PLEKHA7: variants seen among roughly 807,000 people sequenced by gnomAD.
The protein encoded by PLEKHA7 is pleckstrin homology domain-containing family A member 7.
Under a neutral mutation model 170.0 loss-of-function variants are expected in PLEKHA7, and 104 were observed. The observed-to-expected ratio is 0.61, with a 90% CI of 0.52 to 0.72. PLEKHA7 has a LOEUF of 0.72. Ranked by LOEUF, PLEKHA7 falls within the 30% of genes least tolerant of loss-of-function variation. PLEKHA7 has a pLI of 0.00. For synonymous variants in PLEKHA7, 648 were observed against 660.8 expected, an observed-to-expected ratio of 0.98 and a Z score of 0.30; for missense variants, 1,615 against 1,671.7, an observed-to-expected ratio of 0.97 and a Z score of 0.59.
Position 16,946,413 on chromosome 11 carries a change from G to C in PLEKHA7, c.221+67576C>G, listed in dbSNP as rs542506412. Among the ~76,000 whole-genome samples, 4 of 152,246 alleles carry C rather than the reference G, an allele frequency of 2.6e-5. No individual in the cohort carries two copies. The South Asian group carries it at 8.3e-4, about 32-fold the overall frequency. On this transcript the variant is annotated intron_variant, in intron 3 of 26. Coordinates refer to ENST00000531066, the MANE Select transcript of PLEKHA7 (RefSeq NM_001329630.2). The stretch of plus-strand genomic sequence containing the variant: ...CCTCCTTTCTCACTCCCTATGACCA[G>C]GCAGGATTATACCAACCTTAAAGTG...
chr11:16,786,319 C>T lies in PLEKHA7; in HGVS notation c.3426G>A (p.Lys1142=). The T allele has an allele frequency of 6.5e-7, 1 of 1,536,184 alleles. No homozygotes were observed. Among genetic ancestry groups the T allele is most frequent in the Non-Finnish European group, 8.7e-7 (1 of 1,146,910 alleles). The change falls in exon 24 of 27, where the codon AAG becomes AAA. Residue 1142 remains lysine (K), a synonymous_variant. Coordinates refer to ENST00000531066, the MANE Select transcript of PLEKHA7 (RefSeq NM_001329630.2). ...GCACTTTCAACCAGCCATTCTCCTCCTTGTCCTTTTTTTCCCCTTGCACGA... is the reference window on the plus strand; with the variant it reads ...GCACTTTCAACCAGCCATTCTCCTCTTTGTCCTTTTTTTCCCCTTGCACGA... The part of the protein sequence containing the change: ...ERVVQGEKKD[K]EENGWLKVQA...
At chr11:16,823,002 T>C (rs1017195193) in intron 10 of PLEKHA7, among the ~76,000 whole-genome samples, 8 of 151,762 alleles carry the variant, frequency 5.3e-5, no homozygotes, top group African/African-American at 1.9e-4. Flanking sequence ...TATTTATTTA[T>C]TTATTTTTTG....
rs373635377 is a variant in PLEKHA7, at chr11:16,855,618, C to G, written c.417+185G>C. 7 of 596,564 alleles carry G rather than the reference C, an allele frequency of 1.2e-5. No homozygotes were observed. The South Asian group carries it at 1.4e-4, about 12-fold the overall frequency. The allele number at this position is 596,564 out of a possible 1,614,324, so 37.0% of individuals were successfully genotyped here. A position where few individuals can be genotyped will look rare whatever the true frequency, so the allele number is the denominator to read the frequency against. On this transcript the variant is annotated intron_variant, in intron 5 of 26. Coordinates refer to ENST00000531066, the MANE Select transcript of PLEKHA7 (RefSeq NM_001329630.2). ...CCAGTGCTGGGTCTGTCAGCAATCA[C>G]CTGTTCTGCTGGACAAGGGACATAT...
intron 3 of PLEKHA7, among the ~76,000 whole-genome samples, chr11:16,954,666 C>T (rs1034365971): frequency 6.6e-6 from 1 of 151,088 alleles, no homozygotes; most frequent in Non-Finnish European, 1.5e-5. Context: ...TAAATATTAA[C>T]GACATACTTT....
At chr11:16,818,349 A>G (rs1192017038) in intron 10 of PLEKHA7, among the ~76,000 whole-genome samples, 1 of 152,226 alleles carries the variant, frequency 6.6e-6, no homozygotes, top group Non-Finnish European at 1.5e-5. Flanking sequence ...TGATACACAG[A>G]AGGTCCTTCA....
chr11:16,921,982 G>A (rs1361326993), intron 3 of PLEKHA7, among the ~76,000 whole-genome samples: 1 of 152,212 alleles, frequency 6.6e-6, no homozygotes, highest in Non-Finnish European at 1.5e-5. Flanking sequence ...TTCAGCAGGA[G>A]TTTGAGCAGG....
Position 16,957,010 on chromosome 11 carries a change from G to A in PLEKHA7, c.221+56979C>T, listed in dbSNP as rs529992360. 2.3e-4 allele frequency among the ~76,000 whole-genome samples: 35 copies of A among 152,310 alleles called. 1 individual carries two copies. In the South Asian group the frequency reaches 5.6e-3, roughly 24 times the overall value. ...ATCACCTCCCCCCGTGGCTTTAGGCGCAGCATTAGTCACCTGCTAAGGAAT... is the reference window on the plus strand; with the variant it reads ...ATCACCTCCCCCCGTGGCTTTAGGCACAGCATTAGTCACCTGCTAAGGAAT... On this transcript the variant is annotated intron_variant, in intron 3 of 26. Transcript: ENST00000531066.
At chr11:16,841,502 C>T (rs369457) in intron 9 of PLEKHA7, 45 bp downstream of exon 9, 202,180 of 1,582,994 alleles carry the variant, frequency 0.13, 14,612 homozygotes, top group African/African-American at 0.27. Context: ...GGTCCCAATC[C>T]TAGTGTAGGA....
At chr11:16,853,389 T>C (rs1853149533) in intron 6 of PLEKHA7, among the ~76,000 whole-genome samples, 1 of 152,222 alleles carries the variant, frequency 6.6e-6, no homozygotes, top group South Asian at 2.1e-4. Flanking sequence ...CTTCTGCAAA[T>C]CAACAAGATG....
intron 3 of PLEKHA7, among the ~76,000 whole-genome samples, chr11:16,955,817 G>A (rs943644161): frequency 1.3e-5 from 2 of 152,102 alleles, no homozygotes; most frequent in African/African-American, 4.8e-5. Flanking sequence ...TAAAACCACC[G>A]AAGGGATCTA....
chr11:16,816,029 G>GC, intron 12 of PLEKHA7, 149 bp downstream of exon 12: 2 of 664,318 alleles, frequency 3.0e-6, no homozygotes, highest in Non-Finnish European at 5.3e-6. Flanking sequence ...GTGACCCTAA[G>GC]CAAGTCATTC....
intron 3 of PLEKHA7, among the ~76,000 whole-genome samples, chr11:16,873,745 C>A (rs995617536): frequency 6.6e-6 from 1 of 152,226 alleles, no homozygotes. Context: ...CGGCTCACTG[C>A]AACCTCTGCC....
chr11:16,960,657 G>A (rs1862002330), intron 3 of PLEKHA7, among the ~76,000 whole-genome samples: 1 of 152,160 alleles, frequency 6.6e-6, no homozygotes, highest in African/African-American at 2.4e-5. Context: ...AGAGGAGAAA[G>A]GGGAGCCACA....
At chr11:16,906,753 T>G (rs177550) in intron 3 of PLEKHA7, among the ~76,000 whole-genome samples, 18,215 of 138,878 alleles carry the variant, frequency 0.13, 1,121 homozygotes, top group Admixed American at 0.17. Context: ...CCACCCCGTC[T>G]GGGAAGTGAG....
chr11:16,781,513 G>C (rs546732167), intron 26 of PLEKHA7, among the ~76,000 whole-genome samples: 15 of 152,170 alleles, frequency 9.9e-5, no homozygotes, highest in African/African-American at 3.6e-4. Flanking sequence ...TGAACCCCTG[G>C]GTCATGAGAA....
intron 8 of PLEKHA7, among the ~76,000 whole-genome samples, chr11:16,849,493 T>G (rs1035783529): frequency 6.6e-6 from 1 of 152,182 alleles, no homozygotes; most frequent in Admixed American, 6.5e-5. Flanking sequence ...CAGGAATAAG[T>G]TTCTAAAATG....
chr11:16,858,496 T>C (rs1853660543), intron 4 of PLEKHA7, among the ~76,000 whole-genome samples: 1 of 151,916 alleles, frequency 6.6e-6, no homozygotes, highest in South Asian at 2.1e-4. Context: ...TAACAAATTT[T>C]TTTTTTTTTT....
chr11:16,891,393 G>A (rs1856604281), intron 3 of PLEKHA7, among the ~76,000 whole-genome samples: 2 of 152,158 alleles, frequency 1.3e-5, no homozygotes, highest in African/African-American at 4.8e-5. Context: ...AGAATTGCTG[G>A]CAGCCATCAG....
chr11:16,823,125 G>T (rs1429962884), intron 10 of PLEKHA7, among the ~76,000 whole-genome samples: 3 of 152,048 alleles, frequency 2.0e-5, no homozygotes, highest in African/African-American at 4.8e-5. Flanking sequence ...CTCCCAAGTA[G>T]CTGGGACCAC....
Sources: allele counts gnomAD v4.1 joint callset (sites outside exome capture counted in the v4.1 genomes callset), GRCh38; gene constraint gnomAD v4.1.1; transcripts MANE v1.5; gene names NCBI Gene and HGNC (gene_info 2026-07-23, HGNC 2026-07-21).